The following ITGA11 variants were observed in gnomAD, a reference collection of about 807,000 sequenced individuals.
The protein encoded by ITGA11 is integrin alpha-11.
In ITGA11, 97 loss-of-function variants were observed where a neutral mutation model predicts 141.9. That is an observed-to-expected ratio of 0.68 (90% confidence interval 0.58 to 0.81). The LOEUF (loss-of-function observed/expected upper bound fraction) is 0.81, where lower values mean the gene tolerates loss of function less well. Among genes scored for constraint, ITGA11 ranks in the 30% least tolerant of loss-of-function variants. The probability of loss-of-function intolerance (pLI) is 0.00; values close to 1 mark genes in which losing one functional copy is unlikely to be tolerated. For synonymous variants in ITGA11, 658 were observed against 624.6 expected (o/e 1.05, Z -0.80); for missense variants, 1,387 against 1,559.2 (o/e 0.89, Z 1.86).
chr15:68,407,120 G>A (rs962050009), intron 1 of ITGA11, among the ~76,000 whole-genome samples: 5 of 152,144 alleles, frequency 3.3e-5, no homozygotes, highest in African/African-American at 9.7e-5. Flanking sequence ...AGGTCCCATT[G>A]CCTCTGCCTT....
At chr15:68,397,400 T>A (rs190608697) in intron 2 of ITGA11, among the ~76,000 whole-genome samples, 3 of 56,566 alleles carry the variant, frequency 5.3e-5, no homozygotes, top group African/African-American at 1.7e-4. Flanking sequence ...TATAATATAT[T>A]ATATATTATT....
Position 68,303,045 on chromosome 15 carries a change from T to A in ITGA11, c.*14A>T. On this transcript the variant is annotated 3_prime_UTR_variant, in exon 30 of 30. Coordinates refer to ENST00000315757, the MANE Select transcript of ITGA11 (RefSeq NM_001004439.2). This position sits in a 1 kb window ranked among gnomAD's most constrained non-coding sequence, Gnocchi z 5.3. ...TGTCCTGGCCCCCATCAACTCAAAG[T>A]CTCCTCTGGAGCCTCACTCCAGCAC... 6.5e-7 allele frequency: 1 copy of A among 1,545,376 alleles called. No individual in the cohort carries two copies. The highest frequency in any genetic ancestry group is 8.7e-7 in the Non-Finnish European group (1 of 1,144,040).
intron 2 of ITGA11, among the ~76,000 whole-genome samples, chr15:68,369,510 C>A (rs1163903941): frequency 6.6e-6 from 1 of 152,218 alleles, no homozygotes; most frequent in Non-Finnish European, 1.5e-5. Context: ...ATTCTAGGCC[C>A]TTGCCTAGGT....
At chr15:68,319,367 G>A (rs1432924269) in intron 20 of ITGA11, among the ~76,000 whole-genome samples, 3 of 152,270 alleles carry the variant, frequency 2.0e-5, no homozygotes, top group Non-Finnish European at 4.4e-5. Flanking sequence ...AGCGCTGGAC[G>A]CCGTGAGTAG....
At chr15:68,382,620 C>A (rs1171284204) in intron 2 of ITGA11, among the ~76,000 whole-genome samples, 2 of 152,226 alleles carry the variant, frequency 1.3e-5, no homozygotes, top group Admixed American at 6.5e-5. Context: ...AAAGGCAAGC[C>A]CTACCCTTGG....
chr15:68,362,912 T>A (rs1192393584), intron 4 of ITGA11, among the ~76,000 whole-genome samples: 1 of 150,890 alleles, frequency 6.6e-6, no homozygotes, highest in Non-Finnish European at 1.5e-5. Flanking sequence ...GGTTGATGGA[T>A]GAATGGGTGG....
intron 26 of ITGA11, 110 bp downstream of exon 26, chr15:68,310,884 A>G: frequency 3.8e-6 from 3 of 782,870 alleles, no homozygotes; most frequent in East Asian, 2.7e-5. Context: ...ACAGGTGCTC[A>G]GTAAGCTCTT....
chr15:68,313,262 C>T (rs1893455292), intron 23 of ITGA11, among the ~76,000 whole-genome samples: 1 of 151,660 alleles, frequency 6.6e-6, no homozygotes, highest in Admixed American at 6.6e-5. Flanking sequence ...TCTCCATCTG[C>T]CCATGAGCTC....
intron 2 of ITGA11, among the ~76,000 whole-genome samples, chr15:68,400,512 G>T (rs1896442790): frequency 7.7e-6 from 1 of 130,438 alleles, no homozygotes; most frequent in Non-Finnish European, 1.6e-5. Flanking sequence ...TATTTGCAAT[G>T]CTTCTATGTC....
intron 2 of ITGA11, among the ~76,000 whole-genome samples, chr15:68,394,686 G>A (rs923495231): frequency 4.6e-5 from 7 of 151,940 alleles, no homozygotes; most frequent in African/African-American, 1.5e-4. Flanking sequence ...TATGCCCATA[G>A]CAAGACTGAT....
rs8043152 is a variant in ITGA11, at chr15:68,321,681, T to G, written c.2323-178A>C. The stretch of plus-strand genomic sequence containing the variant: ...ATAGATGCTTCCCTCTTTAAAACGA[T>G]GCTCAAAGCTCAGCTCCTCCTGGCT... On this transcript the variant is annotated intron_variant, in intron 18 of 29. Coordinates refer to ENST00000315757, the MANE Select transcript of ITGA11 (RefSeq NM_001004439.2). The surrounding 1 kb of genome is among the most constrained non-coding windows in gnomAD (Gnocchi z 4.9). Among the ~76,000 whole-genome samples, 40,964 of 152,050 alleles carry G rather than the reference T, an allele frequency of 0.27. 7,026 individuals are homozygous for G. The highest frequency in any genetic ancestry group is 0.49 in the African/African-American group (20,467 of 41,422).
intron 1 of ITGA11, among the ~76,000 whole-genome samples, chr15:68,407,810 TCA>T (rs1202258409): frequency 1.3e-5 from 2 of 152,186 alleles, no homozygotes; most frequent in African/African-American, 4.8e-5. Flanking sequence ...CACTTGGGGC[TCA>T]CAGTTCTCAA....
intron 2 of ITGA11, among the ~76,000 whole-genome samples, chr15:68,375,439 C>G (rs1320559716): frequency 1.3e-5 from 2 of 152,154 alleles, no homozygotes; most frequent in Non-Finnish European, 2.9e-5. Flanking sequence ...CAAGATGGGT[C>G]TGGGGAAGCG....
intron 4 of ITGA11, among the ~76,000 whole-genome samples, chr15:68,364,111 C>G (rs1295772631): frequency 6.6e-6 from 1 of 152,206 alleles, no homozygotes; most frequent in Non-Finnish European, 1.5e-5. Context: ...CAGACATGCC[C>G]TTTTCTTCCT....
At position 68,432,125 on chromosome 15, in the gene ITGA11, AGC is replaced by A. The variant is rs1897285024; in HGVS notation, c.-61_-60del. On this transcript the variant is annotated 5_prime_UTR_variant, in exon 1 of 30. Transcript: ENST00000315757. ...GCGGCGGCGGGGGGCGGCAAGCCAG[AGC>A]GGCAGCCTCCTCGGCGCGGCGCCTG... 1 of 1,266,694 alleles carries A rather than the reference AGC, an allele frequency of 7.9e-7. No individual in the cohort carries two copies. Among genetic ancestry groups the A allele is most frequent in the African/African-American group, 1.6e-5 (1 of 63,472 alleles). 78.5% of individuals were successfully genotyped at this position (1,266,694 alleles called of 1,614,324 possible). A position where few individuals can be genotyped will look rare whatever the true frequency, so the allele number is the denominator to read the frequency against.
At chr15:68,415,382 T>C (rs1595898000) in intron 1 of ITGA11, among the ~76,000 whole-genome samples, 1 of 152,176 alleles carries the variant, frequency 6.6e-6, no homozygotes, top group East Asian at 1.9e-4. Flanking sequence ...GAGGGTGCTG[T>C]CCATTTGAAG....
chr15:68,311,488 G>C, intron 24 of ITGA11, 85 bp from the exon 25 acceptor site: 1 of 909,856 alleles, frequency 1.1e-6, no homozygotes, highest in Non-Finnish European at 1.8e-6. Context: ...AGCCCCTGGG[G>C]GTGGCAATTC....
Position 68,303,138 on chromosome 15 carries a change from G to A in ITGA11, c.3496-8C>T. ...ACTTCTAAAGAAGCCGAGCTGTGAG[G>A]AGGCAAAGGGAGACGTCTCAGAGGA... is the stretch of plus-strand genomic sequence containing the variant. On this transcript the variant is annotated splice_polypyrimidine_tract_variant and splice_region_variant and intron_variant, in intron 29 of 29. Coordinates refer to ENST00000315757, the MANE Select transcript of ITGA11 (RefSeq NM_001004439.2). This position sits in a 1 kb window ranked among gnomAD's most constrained non-coding sequence, Gnocchi z 5.3. The A allele has an allele frequency of 6.4e-7, 1 of 1,550,918 alleles. No individual in the cohort carries two copies. The highest frequency in any genetic ancestry group is 8.7e-7 in the Non-Finnish European group (1 of 1,146,882).
intron 10 of ITGA11, 107 bp from the exon 11 acceptor site, chr15:68,339,751 A>T: frequency 7.6e-7 from 1 of 1,318,724 alleles, no homozygotes; most frequent in Non-Finnish European, 1.1e-6. Context: ...CACCTCGGGC[A>T]CCTTCTCCTG....
Sources: allele counts gnomAD v4.1 joint callset (sites outside exome capture counted in the v4.1 genomes callset), GRCh38; gene constraint gnomAD v4.1.1; non-coding constraint Gnocchi (gnomAD v3.1); transcripts MANE v1.5; gene names NCBI Gene and HGNC (gene_info 2026-07-23, HGNC 2026-07-21).